Variants in FCRLB observed in about 807,000 individuals in gnomAD.
FCRLB encodes Fc receptor-like B.
FCRLB carries 34 observed loss-of-function variants against 33.6 expected under a neutral mutation model. The observed-to-expected ratio is 1.01, with a 90% CI of 0.77 to 1.35. The LOEUF (loss-of-function observed/expected upper bound fraction) is 1.35, where lower values mean the gene tolerates loss of function less well. Among genes scored for constraint, FCRLB ranks in the 40% most tolerant of loss-of-function variants. The pLI is 0.00. For missense variants in FCRLB, 560 were observed against 580.2 expected (o/e 0.97, Z 0.36); for synonymous variants, 280 against 255.9 (o/e 1.09, Z -0.90).
chr1:161,722,876 A>G (rs1266959087), intron 3 of FCRLB, 113 bp from the exon 4 acceptor site: 3 of 1,525,328 alleles, frequency 2.0e-6, no homozygotes, highest in Non-Finnish European at 2.7e-6. Flanking sequence ...CCAGGGGCAG[A>G]AGAAGAAAAA....
In FCRLB at chr1:161,727,469, C is replaced by A; in HGVS notation, c.1088C>A (p.Ser363Ter). Residue 363 changes from serine (S) to a stop codon, truncating the protein, a stop_gained, in exon 8 of 8, where the codon TCG (serine) becomes TAG (stop). Transcript: ENST00000367948. LOFTEE classifies it low-confidence loss of function (END_TRUNC). The stretch of plus-strand genomic sequence containing the variant: ...GCTCCGCCGACGCCCTTGGAACAAT[C>A]GGCTGGAGCCCTGAAACCCGACGTG... The A allele has an allele frequency of 2.5e-6, 4 of 1,614,104 alleles. No homozygotes were observed. Among genetic ancestry groups the A allele is most frequent in the Non-Finnish European group, 3.4e-6 (4 of 1,179,998 alleles).
At position 161,726,113 on chromosome 1, in the gene FCRLB, G is replaced by A. The variant is rs568436929; in HGVS notation, c.574+26G>A. The A allele has an allele frequency of 1.2e-5, 20 of 1,606,256 alleles. No homozygotes were observed. Among genetic ancestry groups the A allele is most frequent in the Non-Finnish European group, 1.7e-5 (20 of 1,174,544 alleles). On this transcript the variant is annotated intron_variant, in intron 6 of 7. Coordinates refer to ENST00000367948, the Ensembl canonical transcript of FCRLB. The surrounding 1 kb of genome is among the most constrained non-coding windows in gnomAD (Gnocchi z 5.2). ...GTGGGAGAGACCAGGGGCCCCGGGA[G>A]GGAGGCAAATGAGCATTGAGAAATT... is the stretch of plus-strand genomic sequence containing the variant.
rs538302700 is a variant in FCRLB at position 161,724,129 on chromosome 1, G to C, written c.307+508G>C. On this transcript the variant is annotated intron_variant, in intron 5 of 7. Transcript: ENST00000367948. ...TTCGGCTGCTCTGAGGATTAAAAGTGAATTATGATTTGCTAAAGAAAAAAA... is the reference window on the plus strand; with the variant it reads ...TTCGGCTGCTCTGAGGATTAAAAGTCAATTATGATTTGCTAAAGAAAAAAA... Among the ~76,000 whole-genome samples the C allele has an allele frequency of 3.3e-5, 5 of 152,260 alleles. No individual in the cohort carries two copies. In the East Asian group the frequency reaches 9.6e-4, roughly 29 times the overall value.
intron 1 of FCRLB, 46 bp from the exon 2 acceptor site, chr1:161,721,709 T>C (rs1211824670): frequency 6.6e-6 from 1 of 152,116 alleles, no homozygotes; most frequent in African/African-American, 2.4e-5. Context: ...GGCTGGAAAA[T>C]TCATTAAGTA....
At chr1:161,723,527 C>A in exon 5 of FCRLB, 1 of 1,614,196 alleles carries the variant, frequency 6.2e-7, no homozygotes. Flanking sequence ...TGCCCTCTCA[C>A]AAGAAGAGCA....
rs1300923422 is a variant in FCRLB, at chr1:161,726,449, G to C, written c.575-254G>C. ...TATTCTAGGCTGCAGAACCCGAGCT[G>C]AGTGTCAGTCGGGATGTGACATGAA... On this transcript the variant is annotated intron_variant, in intron 6 of 7. Transcript: ENST00000367948. This position sits in a 1 kb window ranked among gnomAD's most constrained non-coding sequence, Gnocchi z 5.2. The C allele has an allele frequency of 1.4e-6, 1 of 726,216 alleles. No homozygotes were observed. The highest frequency in any genetic ancestry group is 1.7e-5 in the African/African-American group (1 of 57,724). The allele number at this position is 726,216 out of a possible 1,614,324, so 45.0% of individuals were successfully genotyped here. A position where few individuals can be genotyped will look rare whatever the true frequency, so the allele number is the denominator to read the frequency against.
chr1:161,723,754 T>A (rs1683452756), intron 5 of FCRLB, 133 bp downstream of exon 5: 1 of 1,363,340 alleles, frequency 7.3e-7, no homozygotes, highest in Non-Finnish European at 9.8e-7. Flanking sequence ...ATCTTAAGTC[T>A]CTGGAGCAGG....
chr1:161,724,198 G>A (rs1398771528), intron 5 of FCRLB, among the ~76,000 whole-genome samples: 2 of 152,176 alleles, frequency 1.3e-5, no homozygotes, highest in Non-Finnish European at 1.5e-5. Context: ...TATTGCAGAC[G>A]TGTATATGTG....
chr1:161,727,586 G>A (rs1683642930), exon 8 of FCRLB: 1 of 1,613,998 alleles, frequency 6.2e-7, no homozygotes, highest in African/African-American at 1.3e-5. Context: ...CGGGAGCTCA[G>A]GGGAACGCCC....
At position 161,722,918 on chromosome 1, in the gene FCRLB, G is replaced by A. The variant is rs112064540; in HGVS notation, c.32-71G>A. 5,759 of 1,601,686 alleles carry A rather than the reference G, an allele frequency of 3.6e-3. 155 individuals carry two copies. In the African/African-American group the frequency reaches 0.067, roughly 19 times the overall value. ...TTGGGACCATTCAGCCTTTCTTGTC[G>A]TCAAGAGTCTCTCTCCTCTCATCGC... On this transcript the variant is annotated intron_variant, in intron 3 of 7. Coordinates refer to ENST00000367948, the Ensembl canonical transcript of FCRLB.
intron 7 of FCRLB, 116 bp downstream of exon 7, chr1:161,727,109 C>G: frequency 7.5e-7 from 1 of 1,336,672 alleles, no homozygotes; most frequent in Non-Finnish European, 9.7e-7. Flanking sequence ...CCGCCTTTCC[C>G]ATCTCCCCTT....
exon 3 of FCRLB, chr1:161,722,667 T>C: frequency 6.2e-7 from 1 of 1,614,124 alleles, no homozygotes; most frequent in Non-Finnish European, 8.5e-7. Flanking sequence ...TGCAGTCAGA[T>C]CCATCATGTG....
chr1:161,725,934 G>C, exon 6 of FCRLB: 2 of 1,614,244 alleles, frequency 1.2e-6, no homozygotes, highest in Non-Finnish European at 1.7e-6. Flanking sequence ...CTACCACGAC[G>C]GCCAGGCCGT....
At position 161,727,236 on chromosome 1, in the gene FCRLB, T is replaced by C; in HGVS notation, c.866-11T>C. 6.6e-7 allele frequency: 1 copy of C among 1,511,930 alleles called. No individual in the cohort carries two copies. Among genetic ancestry groups the C allele is most frequent in the South Asian group, 1.1e-5 (1 of 87,276 alleles). The allele number at this position is 1,511,930 out of a possible 1,614,324, so 93.7% of individuals were successfully genotyped here. A position where few individuals can be genotyped will look rare whatever the true frequency, so the allele number is the denominator to read the frequency against. On this transcript the variant is annotated splice_polypyrimidine_tract_variant and intron_variant, in intron 7 of 7. Coordinates refer to ENST00000367948, the Ensembl canonical transcript of FCRLB. The stretch of plus-strand genomic sequence containing the variant: ...GCAAGCCGCGCGTGACTGGGCGTAA[T>C]GCATTCACAGGTTCTCCCCTGGACC...
At chr1:161,722,072 G>A (rs1276355653) in intron 2 of FCRLB, among the ~76,000 whole-genome samples, 1 of 152,172 alleles carries the variant, frequency 6.6e-6, no homozygotes, top group Non-Finnish European at 1.5e-5. Flanking sequence ...CCTTGACTGG[G>A]GAACTAGATG....
chr1:161,726,969 C>T lies in FCRLB; in HGVS notation c.841C>T (p.Pro281Ser), dbSNP rs1683599621. The T allele has an allele frequency of 1.3e-6, 2 of 1,533,006 alleles. No homozygotes were observed. Among genetic ancestry groups the T allele is most frequent in the Non-Finnish European group, 1.8e-6 (2 of 1,139,716 alleles). 95.0% of individuals were successfully genotyped at this position (1,533,006 alleles called of 1,614,324 possible). ...CACCCGCAGTGTCCGGAAACGCAGT[C>T]CGTGGCTGCAGCTCCCGGGGCCGGG... The change falls in exon 7 of 8, where the codon CCG becomes TCG. Residue 281 changes from proline (P) to serine (S), a missense_variant. Pro to Ser is a moderately conservative substitution (Grantham distance 74, BLOSUM62 -1). Transcript: ENST00000367948. The surrounding 1 kb of genome is among the most constrained non-coding windows in gnomAD (Gnocchi z 5.2).
In FCRLB at chr1:161,723,311, A is replaced by G. The variant is rs1272412627; in HGVS notation, c.53-56A>G. 6 of 1,586,188 alleles carry G rather than the reference A, an allele frequency of 3.8e-6. No homozygotes were observed. The East Asian group carries it at 1.3e-4, about 35-fold the overall frequency. On this transcript the variant is annotated intron_variant, in intron 4 of 7. Transcript: ENST00000367948. ...CCAAACTCAGGTCGTTTCTTTGGGC[A>G]CCTCACCTTGATTCTCTTTGCATGC...
chr1:161,727,137 C>T, intron 7 of FCRLB, 110 bp from the exon 8 acceptor site: 2 of 1,365,050 alleles, frequency 1.5e-6, no homozygotes, highest in South Asian at 1.5e-5. Context: ...CTCCTCCTCA[C>T]CCCTCTTCCG....
chr1:161,725,960 CA>C lies in FCRLB; in HGVS notation c.448del (p.Ser150AlafsTer39), dbSNP rs371919304. The C allele has an allele frequency of 2.2e-3, 3,475 of 1,614,284 alleles. 101 individuals carry two copies. In the South Asian group the frequency reaches 0.036, roughly 17 times the overall value. On this transcript the variant is annotated frameshift_variant, in exon 6 of 8. Transcript: ENST00000367948. LOFTEE classifies it high-confidence loss of function. ...GCCAGGCCGTGCGCTACTTCCACTCCAGCGCCAACTACACTGTGTTACAGGC... is the reference window on the plus strand; with the variant it reads ...GCCAGGCCGTGCGCTACTTCCACTCCGCGCCAACTACACTGTGTTACAGGC...
Sources: gnomAD v4.1 joint callset for allele counts (sites outside exome capture counted in the v4.1 genomes callset) on GRCh38, gnomAD v4.1.1 for gene constraint, Gnocchi (gnomAD v3.1) non-coding constraint, MANE v1.5 for transcripts, NCBI Gene and HGNC (gene_info 2026-07-23, HGNC 2026-07-21) for gene names.